LDB2: variants seen among roughly 807,000 people sequenced by gnomAD.
LDB2 encodes the protein LIM domain binding 2, also known as LIM domain-binding protein 2.
LDB2 carries 12 observed loss-of-function variants against 44.3 expected under a neutral mutation model. The ratio of observed to expected loss-of-function variants is 0.27; its 90% CI spans 0.17 to 0.44. The LOEUF (loss-of-function observed/expected upper bound fraction) is 0.44. LDB2 is among the 20% of genes least tolerant of loss of function. The probability of loss-of-function intolerance (pLI) is 1.00; values close to 1 mark genes in which losing one functional copy is unlikely to be tolerated. For missense variants in LDB2, 344 were observed against 473.5 expected, an observed-to-expected ratio of 0.73 and a Z score of 2.54; for synonymous variants, 164 against 174.8, an observed-to-expected ratio of 0.94 and a Z score of 0.49.
intron 2 of LDB2, among the ~76,000 whole-genome samples, chr4:16,673,378 G>A (rs1223680302): frequency 6.6e-6 from 1 of 152,164 alleles, no homozygotes; most frequent in Non-Finnish European, 1.5e-5. Flanking sequence ...AGAAGTAGTA[G>A]AACTCCAAAG....
intron 5 of LDB2, among the ~76,000 whole-genome samples, chr4:16,518,728 A>G (rs1724833729): frequency 6.6e-6 from 1 of 152,226 alleles, no homozygotes; most frequent in Non-Finnish European, 1.5e-5. Flanking sequence ...GGTGGCTGCA[A>G]ATGACTTGTT....
At chr4:16,649,946 C>T (rs1397340074) in intron 2 of LDB2, among the ~76,000 whole-genome samples, 2 of 152,208 alleles carry the variant, frequency 1.3e-5, no homozygotes, top group Non-Finnish European at 2.9e-5. Context: ...TTCCTCCTAC[C>T]TGTCAATAAC....
chr4:16,773,283 G>C (rs1459904283), intron 1 of LDB2, among the ~76,000 whole-genome samples: 1 of 152,146 alleles, frequency 6.6e-6, no homozygotes, highest in Non-Finnish European at 1.5e-5. Context: ...CTGGGGGACG[G>C]TTTCAGGATG....
At chr4:16,619,191 G>A (rs1455232991) in intron 2 of LDB2, among the ~76,000 whole-genome samples, 1 of 152,030 alleles carries the variant, frequency 6.6e-6, no homozygotes, top group African/African-American at 2.4e-5. Flanking sequence ...AAAAACAAAA[G>A]CAAAAATTTT....
At chr4:16,618,451 TTGTATATA>T (rs1412521692) in intron 2 of LDB2, among the ~76,000 whole-genome samples, 7 of 152,206 alleles carry the variant, frequency 4.6e-5, no homozygotes, top group Non-Finnish European at 1.0e-4. Context: ...GAGTGATGCC[TTGTATATA>T]TGTATATATG....
intron 1 of LDB2, among the ~76,000 whole-genome samples, chr4:16,818,688 G>C (rs1472506900): frequency 5.9e-5 from 9 of 152,138 alleles, no homozygotes; most frequent in Admixed American, 3.3e-4. Context: ...GTACAGTAAG[G>C]CTTAAAGAGG....
At chr4:16,858,149 T>C (rs1789750297) in intron 1 of LDB2, among the ~76,000 whole-genome samples, 1 of 152,096 alleles carries the variant, frequency 6.6e-6, no homozygotes, top group South Asian at 2.1e-4. Context: ...AACAACCCAG[T>C]GAGATAGATA....
At chr4:16,830,270 C>T (rs373415592) in intron 1 of LDB2, among the ~76,000 whole-genome samples, 18 of 152,238 alleles carry the variant, frequency 1.2e-4, no homozygotes, top group East Asian at 7.7e-4. Context: ...GTTTCCCCCA[C>T]GCTGTTCTCA....
intron 2 of LDB2, among the ~76,000 whole-genome samples, chr4:16,686,162 A>C (rs1237212476): frequency 6.6e-6 from 1 of 152,242 alleles, no homozygotes; most frequent in African/African-American, 2.4e-5. Context: ...GAGTAACCAT[A>C]AATGAGGATT....
intron 2 of LDB2, among the ~76,000 whole-genome samples, chr4:16,663,083 C>A (rs1348805008): frequency 6.6e-6 from 1 of 152,072 alleles, no homozygotes; most frequent in Non-Finnish European, 1.5e-5. Context: ...AGCTTTTCTT[C>A]TAGGGAGCTC....
At chr4:16,786,575 A>G (rs534162540) in intron 1 of LDB2, among the ~76,000 whole-genome samples, 1 of 152,256 alleles carries the variant, frequency 6.6e-6, no homozygotes, top group Non-Finnish European at 1.5e-5. Context: ...ATCTGAATGG[A>G]TACACACACA....
intron 1 of LDB2, among the ~76,000 whole-genome samples, chr4:16,773,732 A>G (rs1426458419): frequency 6.6e-6 from 1 of 151,876 alleles, no homozygotes. Flanking sequence ...TTCTTTTTTC[A>G]TATTCCTTTC....
chr4:16,770,811 C>T (rs1770499242), intron 1 of LDB2, among the ~76,000 whole-genome samples: 2 of 152,022 alleles, frequency 1.3e-5, no homozygotes, highest in African/African-American at 4.8e-5. Flanking sequence ...TACTGGGAAC[C>T]CTATGCAAAG....
At chr4:16,563,709 C>T (rs751712853) in intron 5 of LDB2, among the ~76,000 whole-genome samples, 4 of 151,598 alleles carry the variant, frequency 2.6e-5, no homozygotes, top group South Asian at 4.2e-4. Flanking sequence ...CTGCCCGCCT[C>T]GGCCTCCCAA....
rs946344612 is a variant in LDB2, at chr4:16,559,574, T to G, written c.615+26348A>C. On this transcript the variant is annotated intron_variant, in intron 5 of 7. Coordinates refer to ENST00000304523, the MANE Select transcript of LDB2 (RefSeq NM_001290.5). Reference sequence around the variant, plus strand: ...CACCCAGATTCATAGAGCAAGTCCTTAGTGACCTACAAAGAGACTTCGACT... The same window carrying G: ...CACCCAGATTCATAGAGCAAGTCCTGAGTGACCTACAAAGAGACTTCGACT... Among the ~76,000 whole-genome samples, 76 of 152,290 alleles carry G rather than the reference T, an allele frequency of 5.0e-4. 1 individual carries two copies. In the East Asian group the frequency reaches 0.014, roughly 27 times the overall value.
chr4:16,675,849 G>A (rs1039041034), intron 2 of LDB2, among the ~76,000 whole-genome samples: 25 of 152,094 alleles, frequency 1.6e-4, no homozygotes, highest in African/African-American at 6.0e-4. Context: ...CAACTTCAGT[G>A]TTGATTTATT....
chr4:16,874,589 C>G (rs73129873), intron 1 of LDB2, among the ~76,000 whole-genome samples: 1 of 152,134 alleles, frequency 6.6e-6, no homozygotes, highest in Non-Finnish European at 1.5e-5. Flanking sequence ...AGGGAGAGTG[C>G]GCATCCAACA....
intron 5 of LDB2, among the ~76,000 whole-genome samples, chr4:16,571,453 CA>C (rs34875159): frequency 1.0e-3 from 141 of 137,984 alleles, no homozygotes; most frequent in African/African-American, 1.1e-3. Context: ...GGCAATTCGG[CA>C]AAAAAAAAAA....
intron 2 of LDB2, among the ~76,000 whole-genome samples, chr4:16,697,492 T>C (rs1411023408): frequency 6.6e-6 from 1 of 151,304 alleles, no homozygotes; most frequent in Non-Finnish European, 1.5e-5. Context: ...TAAGGCTCCC[T>C]GTGAAATTCC....
Sources: gnomAD v4.1 joint callset for allele counts (sites outside exome capture counted in the v4.1 genomes callset) on GRCh38, gnomAD v4.1.1 for gene constraint, MANE v1.5 for transcripts, NCBI Gene and HGNC (gene_info 2026-07-23, HGNC 2026-07-21) for gene names.